The following TNR variants were observed in gnomAD, a reference collection of about 807,000 sequenced individuals.
The protein encoded by TNR is tenascin R.
Under a neutral mutation model 150.4 loss-of-function variants are expected in TNR, and 45 were observed. That is an observed-to-expected ratio of 0.30 (90% CI 0.24 to 0.38). The LOEUF (loss-of-function observed/expected upper bound fraction) is 0.38. Among genes scored for constraint, TNR ranks in the 10% least tolerant of loss-of-function variants. The probability of loss-of-function intolerance (pLI) is 1.00; values close to 1 mark genes in which losing one functional copy is unlikely to be tolerated. For missense variants in TNR, 1,544 were observed against 1,759.1 expected (o/e 0.88, Z 2.19); for synonymous variants, 687 against 678.4 (o/e 1.01, Z -0.20).
At chr1:175,521,193 G>A (rs910720609) in intron 2 of TNR, among the ~76,000 whole-genome samples, 4 of 152,112 alleles carry the variant, frequency 2.6e-5, no homozygotes, top group African/African-American at 4.8e-5. Context: ...AGAACCCTTC[G>A]AAATGTATTT....
intron 22 of TNR, among the ~76,000 whole-genome samples, 170 bp downstream of exon 22, chr1:175,324,186 T>C (rs1649225206): frequency 6.6e-6 from 1 of 152,192 alleles, no homozygotes; most frequent in Admixed American, 6.5e-5. Flanking sequence ...TCCTCTGGCT[T>C]CTACTCTGTC....
At chr1:175,528,047 A>G (rs1659917022) in intron 2 of TNR, among the ~76,000 whole-genome samples, 1 of 152,326 alleles carries the variant, frequency 6.6e-6, no homozygotes, top group South Asian at 2.1e-4. Context: ...GAAATATTTT[A>G]TGAGAAGCCA....
chr1:175,585,522 T>G (rs1021979903), intron 1 of TNR, among the ~76,000 whole-genome samples: 2 of 152,204 alleles, frequency 1.3e-5, no homozygotes, highest in Non-Finnish European at 2.9e-5. Context: ...ATAACTTGAA[T>G]GAATACCATA....
At chr1:175,575,282 A>G (rs955719487) in intron 1 of TNR, among the ~76,000 whole-genome samples, 2 of 152,232 alleles carry the variant, frequency 1.3e-5, no homozygotes, top group Non-Finnish European at 2.9e-5. Context: ...GTGAACAAGA[A>G]ATAAACTTAC....
At chr1:175,711,310 CA>C (rs1667007948) in intron 1 of TNR, among the ~76,000 whole-genome samples, 1 of 152,110 alleles carries the variant, frequency 6.6e-6, no homozygotes, top group East Asian at 1.9e-4. Context: ...TGAAGCATCT[CA>C]CCCTGGGGGA....
chr1:175,511,682 C>A (rs1344338804), intron 2 of TNR, among the ~76,000 whole-genome samples: 1 of 152,170 alleles, frequency 6.6e-6, no homozygotes, highest in Non-Finnish European at 1.5e-5. Context: ...AGAAGCCCTG[C>A]CTGAAAGGGA....
intron 2 of TNR, among the ~76,000 whole-genome samples, chr1:175,454,190 T>C (rs1368104728): frequency 2.0e-5 from 3 of 152,212 alleles, no homozygotes; most frequent in Admixed American, 2.0e-4. Context: ...CCCATGCTCC[T>C]AAATGTCTTC....
chr1:175,684,247 G>A (rs2101912740), intron 1 of TNR, among the ~76,000 whole-genome samples: 1 of 152,264 alleles, frequency 6.6e-6, no homozygotes, highest in East Asian at 1.9e-4. Context: ...AATATATTGA[G>A]CTTCGACTGT....
chr1:175,414,701 G>T (rs370144024), intron 2 of TNR, among the ~76,000 whole-genome samples: 23 of 152,240 alleles, frequency 1.5e-4, no homozygotes, highest in African/African-American at 5.5e-4. Flanking sequence ...GGAGAGACTT[G>T]GGTCACCCAG....
intron 1 of TNR, among the ~76,000 whole-genome samples, chr1:175,530,232 C>G (rs1442788897): frequency 6.6e-6 from 1 of 152,120 alleles, no homozygotes; most frequent in Non-Finnish European, 1.5e-5. Context: ...GAGACTTACT[C>G]CTGAGGGCTA....
chr1:175,659,294 A>T (rs1458929446), intron 1 of TNR, among the ~76,000 whole-genome samples: 1 of 152,210 alleles, frequency 6.6e-6, no homozygotes, highest in South Asian at 2.1e-4. Flanking sequence ...TCAGAACCCA[A>T]CTGAAATAGA....
chr1:175,407,136 C>A (rs1262350305), intron 2 of TNR, among the ~76,000 whole-genome samples: 1 of 152,158 alleles, frequency 6.6e-6, no homozygotes, highest in Non-Finnish European at 1.5e-5. Context: ...CTTTTCACTT[C>A]TAGGTGAGAA....
intron 20 of TNR, among the ~76,000 whole-genome samples, chr1:175,331,465 G>A (rs11800824): frequency 0.15 from 22,192 of 151,868 alleles, 1,752 homozygotes; most frequent in Non-Finnish European, 0.15. Flanking sequence ...GGGTTTCACC[G>A]TGTTAGCCAG....
intron 1 of TNR, among the ~76,000 whole-genome samples, chr1:175,661,336 A>G (rs995563392): frequency 3.3e-5 from 5 of 152,194 alleles, no homozygotes; most frequent in African/African-American, 1.2e-4. Flanking sequence ...TTAACCCCAG[A>G]GCTTATGATA....
rs775684150 is a variant in TNR at position 175,386,116 on chromosome 1, G to T, written c.1693C>A (p.Arg565=). 1 of 1,612,646 alleles carries T rather than the reference G, an allele frequency of 6.2e-7. No individual in the cohort carries two copies. Among genetic ancestry groups the T allele is most frequent in the Non-Finnish European group, 8.5e-7 (1 of 1,178,984 alleles). Residue 565 remains arginine (R), a synonymous_variant, in exon 8 of 23, where the codon CGG becomes AGG. Coordinates refer to ENST00000367674, the MANE Select transcript of TNR (RefSeq NM_003285.3). The stretch of plus-strand genomic sequence containing the variant: ...GACACCTCGTATCGGGAGCCAGGCC[G>T]CAGGGCCTGCACTGAGTATTGGCTC... ...PLSQYSVQAL[R]PGSRYEVSVS...
intron 12 of TNR, among the ~76,000 whole-genome samples, chr1:175,364,555 TTC>T (rs1297143373): frequency 6.6e-6 from 1 of 152,208 alleles, no homozygotes; most frequent in Non-Finnish European, 1.5e-5. Context: ...ATCAACCCCA[TTC>T]TCTGAGTGCC....
At chr1:175,466,418 T>C (rs2102111405) in intron 2 of TNR, among the ~76,000 whole-genome samples, 1 of 152,346 alleles carries the variant, frequency 6.6e-6, no homozygotes, top group Middle Eastern at 3.4e-3. Context: ...ACTTGGCTTC[T>C]GTCTAAACTA....
chr1:175,495,193 G>A (rs979924077), intron 2 of TNR, among the ~76,000 whole-genome samples: 1 of 152,186 alleles, frequency 6.6e-6, no homozygotes, highest in African/African-American at 2.4e-5. Context: ...ACAGTCCAGT[G>A]CAGAAGATAG....
Position 175,549,325 on chromosome 1 carries a change from G to A in TNR, c.-164-20956C>T, listed in dbSNP as rs1440011326. Among the ~76,000 whole-genome samples the A allele has an allele frequency of 4.6e-5, 7 of 152,332 alleles. No individual in the cohort carries two copies. In the South Asian group the frequency reaches 1.2e-3, roughly 27 times the overall value. On this transcript the variant is annotated intron_variant, in intron 1 of 22. Coordinates refer to ENST00000367674, the MANE Select transcript of TNR (RefSeq NM_003285.3). ...GTCTCAAACACTGATATTAAAAACG[G>A]CAAGGCAATAACAATAGCAATGCAT...
Sources: gnomAD v4.1 joint callset for allele counts (sites outside exome capture counted in the v4.1 genomes callset) on GRCh38, gnomAD v4.1.1 for gene constraint, MANE v1.5 for transcripts, NCBI Gene and HGNC (gene_info 2026-07-23, HGNC 2026-07-21) for gene names.